The following RBL1 variants were observed in gnomAD, a reference collection of about 807,000 sequenced individuals.
RBL1 encodes RB transcriptional corepressor like 1, also known as retinoblastoma-like protein 1.
Under a neutral mutation model 123.0 loss-of-function variants are expected in RBL1, and 82 were observed. The ratio of observed to expected loss-of-function variants is 0.67; its 90% CI spans 0.56 to 0.80. The LOEUF is 0.80. RBL1 is among the 30% of genes least tolerant of loss of function. RBL1 has a pLI of 0.00. For synonymous variants in RBL1, 405 were observed against 441.3 expected (o/e 0.92, Z 1.03); for missense variants, 1,171 against 1,299.6 (o/e 0.90, Z 1.52).
At chr20:37,092,489 C>A (rs1254514352) in intron 1 of RBL1, among the ~76,000 whole-genome samples, 1 of 152,110 alleles carries the variant, frequency 6.6e-6, no homozygotes, top group East Asian at 1.9e-4. Flanking sequence ...CCACCTTAGC[C>A]TCTGGAGTAG....
At chr20:37,075,229 T>G (rs938967581) in intron 2 of RBL1, among the ~76,000 whole-genome samples, 11 of 152,280 alleles carry the variant, frequency 7.2e-5, no homozygotes, top group African/African-American at 2.6e-4. Flanking sequence ...ACGAAGTGAA[T>G]GCTAACAGGG....
intron 16 of RBL1, among the ~76,000 whole-genome samples, chr20:37,023,528 C>T (rs1304215459): frequency 2.0e-5 from 3 of 152,162 alleles, no homozygotes; most frequent in South Asian, 2.1e-4. Context: ...AAATATTTGA[C>T]TCCAAAAATG....
chr20:37,056,396 C>G (rs111763692), intron 9 of RBL1, 138 bp from the exon 10 acceptor site: 256,674 of 1,265,134 alleles, frequency 0.2, 28,919 homozygotes, highest in Middle Eastern at 0.25. Flanking sequence ...GCTCTGTAAC[C>G]CAGGCTGGAG....
intron 19 of RBL1, among the ~76,000 whole-genome samples, chr20:37,016,940 G>C (rs1218633533): frequency 2.1e-5 from 3 of 142,988 alleles, no homozygotes; most frequent in Non-Finnish European, 4.6e-5. Flanking sequence ...AGGGGGAGAG[G>C]AGGGGGATGG....
intron 1 of RBL1, among the ~76,000 whole-genome samples, chr20:37,094,277 A>T (rs932659259): frequency 6.6e-6 from 1 of 152,134 alleles, no homozygotes; most frequent in African/African-American, 2.4e-5. Flanking sequence ...GCTTTCAAAA[A>T]TCAATCTGTT....
intron 2 of RBL1, among the ~76,000 whole-genome samples, chr20:37,068,567 T>C (rs1374119023): frequency 2.0e-5 from 3 of 152,122 alleles, no homozygotes; most frequent in Non-Finnish European, 4.4e-5. Flanking sequence ...TCACTTTCGT[T>C]CCCAGGATCA....
chr20:37,011,080 A>G (rs2064141798), intron 19 of RBL1, among the ~76,000 whole-genome samples: 1 of 152,126 alleles, frequency 6.6e-6, no homozygotes, highest in Admixed American at 6.6e-5. Flanking sequence ...TCAGCCTTCC[A>G]AAGTGCTGGG....
intron 20 of RBL1, among the ~76,000 whole-genome samples, chr20:37,006,838 CAAA>C (rs199689934): frequency 7.0e-5 from 5 of 71,686 alleles, no homozygotes; most frequent in Admixed American, 2.9e-4. Context: ...GAGACTGTCT[CAAA>C]AAAAAAAAAA....
intron 9 of RBL1, among the ~76,000 whole-genome samples, chr20:37,057,000 TCTATCTACCTACCTAC>T (rs1375526238): frequency 1.6e-5 from 2 of 124,830 alleles, no homozygotes; most frequent in African/African-American, 5.8e-5. Context: ...TTTCTATCTA[TCTATCTACCTACCTAC>T]CTACCTACCT....
intron 2 of RBL1, among the ~76,000 whole-genome samples, chr20:37,085,766 A>G (rs6031277): frequency 0.59 from 87,195 of 148,258 alleles, 26,437 homozygotes; most frequent in African/African-American, 0.78. Context: ...CCATACTCCC[A>G]CCTCAGCCTC....
chr20:37,069,108 G>A (rs2065234673), intron 2 of RBL1, among the ~76,000 whole-genome samples: 1 of 152,382 alleles, frequency 6.6e-6, no homozygotes, highest in Admixed American at 6.5e-5. Flanking sequence ...CCGAGGTGCC[G>A]GGATTGCAGA....
chr20:37,019,246 C>T (rs2064304054), intron 18 of RBL1, among the ~76,000 whole-genome samples: 2 of 152,130 alleles, frequency 1.3e-5, no homozygotes, highest in East Asian at 1.9e-4. Flanking sequence ...GTTTTTCTGC[C>T]CCCAGCCCAT....
Position 37,040,168 on chromosome 20 carries a change from C to T in RBL1, c.1888G>A (p.Gly630Arg). 2 of 1,613,844 alleles carry T rather than the reference C, an allele frequency of 1.2e-6. No individual in the cohort carries two copies. The highest frequency in any genetic ancestry group is 1.7e-6 in the Non-Finnish European group (2 of 1,179,918). The change falls in exon 14 of 22, where the codon GGG becomes AGG. Residue 630 changes from glycine to arginine, a missense_variant. Physicochemically the swap from Gly to Arg is moderately radical, Grantham distance 125. Coordinates refer to ENST00000373664, the MANE Select transcript of RBL1 (RefSeq NM_002895.5). Reference sequence around the variant, plus strand: ...TTGAACCTACCTCTTCGAAGACTCCCACTGTCAGTTCGAACTTCCTTGACT... The same window carrying T: ...TTGAACCTACCTCTTCGAAGACTCCTACTGTCAGTTCGAACTTCCTTGACT... ...PRVKEVRTDS[G>R]SLRRDMQPLS...
chr20:37,024,990 G>A (rs145122795), intron 16 of RBL1, among the ~76,000 whole-genome samples: 37 of 152,266 alleles, frequency 2.4e-4, no homozygotes, highest in African/African-American at 8.4e-4. Context: ...TACTTCTGAA[G>A]ACTATTTCAT....
At chr20:37,012,096 C>T (rs1021388051) in intron 19 of RBL1, among the ~76,000 whole-genome samples, 3 of 152,244 alleles carry the variant, frequency 2.0e-5, no homozygotes, top group East Asian at 1.9e-4. Flanking sequence ...AGCTCCTAAC[C>T]GCGAGTGATC....
rs2064289910 is a variant in RBL1 at position 37,018,377 on chromosome 20, C to G, written c.2632-8G>C. 2.5e-6 allele frequency: 4 copies of G among 1,594,744 alleles called. No homozygotes were observed. Among genetic ancestry groups the G allele is most frequent in the Non-Finnish European group, 3.4e-6 (4 of 1,173,414 alleles). On this transcript the variant is annotated splice_region_variant and splice_polypyrimidine_tract_variant and intron_variant, in intron 18 of 21. Transcript: ENST00000373664. ...CAGAACACTTCTATATACCTACATG[C>G]CAGAGGGGAAGAAAAGGACAGCTCA...
At chr20:37,000,197 G>A (rs1208009745) in intron 21 of RBL1, among the ~76,000 whole-genome samples, 1 of 146,986 alleles carries the variant, frequency 6.8e-6, no homozygotes, top group Non-Finnish European at 1.5e-5. Context: ...TCTGAGAAGT[G>A]AGGAGCCCCT....
At position 36,998,945 on chromosome 20, in the gene RBL1, G is replaced by T; in HGVS notation, c.3037-16C>A. 2 of 1,600,554 alleles carry T rather than the reference G, an allele frequency of 1.2e-6. No homozygotes were observed. Among genetic ancestry groups the T allele is most frequent in the Non-Finnish European group, 8.5e-7 (1 of 1,172,608 alleles). The stretch of plus-strand genomic sequence containing the variant: ...CTTTCAAACTCTGTGCAGAAATAGA[G>T]AACGTGTGTGAGTAAAAGAGGGAGA... On this transcript the variant is annotated splice_polypyrimidine_tract_variant and intron_variant, in intron 21 of 21. Transcript: ENST00000373664.
At position 37,020,687 on chromosome 20, in the gene RBL1, TA is replaced by T; in HGVS notation, c.2602del (p.Tyr868IlefsTer17). ...ACTATTAGCTTGGGGCTGATTCCTA[TA>T]ACTTTTCATAATTTCTTGAAAAGTT... ...ERTFQEIMKS[Y>X]RNQPQANSHV... is the part of the protein sequence containing the mutation. On this transcript the variant is annotated frameshift_variant, in exon 18 of 22. Coordinates refer to ENST00000373664, the MANE Select transcript of RBL1 (RefSeq NM_002895.5). LOFTEE classifies it high-confidence loss of function. The T allele has an allele frequency of 6.3e-7, 1 of 1,589,162 alleles. No individual in the cohort carries two copies. The highest frequency in any genetic ancestry group is 8.6e-7 in the Non-Finnish European group (1 of 1,165,494).
Sources: gnomAD v4.1 joint callset for allele counts (sites outside exome capture counted in the v4.1 genomes callset) on GRCh38, gnomAD v4.1.1 for gene constraint, MANE v1.5 for transcripts, NCBI Gene and HGNC (gene_info 2026-07-23, HGNC 2026-07-21) for gene names.